Variants in ZNF571 observed in about 807,000 individuals in gnomAD.
ZNF571 encodes zinc finger protein 571.
In ZNF571, 4 loss-of-function variants were observed where a neutral mutation model predicts 7.7. That is an observed-to-expected ratio of 0.52 (90% CI 0.25 to 1.18). ZNF571 has a LOEUF of 1.18. ZNF571 is among the 50% of genes most tolerant of loss of function. The pLI is 0.14. For missense variants in ZNF571, 704 were observed against 726.9 expected, an observed-to-expected ratio of 0.97 and a Z score of 0.36; for synonymous variants, 251 against 232.4, an observed-to-expected ratio of 1.08 and a Z score of -0.73.
intron 3 of ZNF571, among the ~76,000 whole-genome samples, chr19:37,578,557 A>G (rs1300221864): frequency 3.3e-5 from 5 of 152,202 alleles, no homozygotes; most frequent in African/African-American, 1.2e-4. Flanking sequence ...GCCAGCTGCC[A>G]TAACCCCAGT....
At chr19:37,573,810 G>A (rs373616884) in intron 3 of ZNF571, among the ~76,000 whole-genome samples, 5 of 149,554 alleles carry the variant, frequency 3.3e-5, no homozygotes, top group East Asian at 3.9e-4. Context: ...TCCAGTCTGC[G>A]CAACAGAACG....
At position 37,565,254 on chromosome 19, in the gene ZNF571, T is replaced by C. The variant is rs1401936675; in HGVS notation, c.1174A>G (p.Lys392Glu). 2.5e-6 allele frequency: 4 copies of C among 1,612,286 alleles called. No homozygotes were observed. The highest frequency in any genetic ancestry group is 2.2e-5 in the South Asian group (2 of 90,726). Residue 392 changes from lysine to glutamate, a missense_variant, in exon 4 of 4, where the codon AAA becomes GAA. Coordinates refer to ENST00000451802, the MANE Select transcript of ZNF571 (RefSeq NM_016536.5). ...AAGGCTTTCCCACATTCTTTGCATT[T>C]ATAAGGTCTCTCACCTGAATGAACT... ...LRVHSGERPY[K>E]CKECGKAFIS... is the part of the protein sequence containing the mutation.
Position 37,594,727 on chromosome 19 carries a change from G to A in ZNF571, c.-70+14C>T, listed in dbSNP as rs2043968320. 1.3e-5 allele frequency: 2 copies of A among 152,240 alleles called. No individual in the cohort carries two copies. Among genetic ancestry groups the A allele is most frequent in the Admixed American group, 1.3e-4 (2 of 15,280 alleles). The allele number at this position is 152,240 out of a possible 1,614,324, so 9.4% of individuals were successfully genotyped here. Reference sequence around the variant, plus strand: ...AAAAGCTGCGAGCGGTTCCCGGTGAGGCCGCCCACTCACCTGGCCGGCGCA... The same window carrying A: ...AAAAGCTGCGAGCGGTTCCCGGTGAAGCCGCCCACTCACCTGGCCGGCGCA... On this transcript the variant is annotated intron_variant, in intron 1 of 3. Transcript: ENST00000451802.
At chr19:37,572,159 T>G (rs1239085597) in intron 3 of ZNF571, among the ~76,000 whole-genome samples, 1 of 152,160 alleles carries the variant, frequency 6.6e-6, no homozygotes, top group Admixed American at 6.5e-5. Context: ...ATCACTTAAC[T>G]CCAAAATTAT....
At chr19:37,590,087 T>C (rs1440543431) in intron 1 of ZNF571, among the ~76,000 whole-genome samples, 3 of 132,954 alleles carry the variant, frequency 2.3e-5, no homozygotes, top group African/African-American at 8.7e-5. Context: ...GATTTTGGAT[T>C]GGACGCCAGA....
At position 37,565,867 on chromosome 19, in the gene ZNF571, T is replaced by C; in HGVS notation, c.561A>G (p.Arg187=). The change falls in exon 4 of 4, where the codon AGA becomes AGG. Residue 187 remains arginine, a synonymous_variant. Transcript: ENST00000451802. ...CATAAGGTTTCTCACCAGTCTGAATTCTCTGATGTTGAATATAGCTTGGCT... is the reference window on the plus strand; with the variant it reads ...CATAAGGTTTCTCACCAGTCTGAATCCTCTGATGTTGAATATAGCTTGGCT... ...SKKPSYIQHQ[R]IQTGEKPYEC... 1.9e-6 allele frequency: 3 copies of C among 1,613,930 alleles called. No homozygotes were observed. Among genetic ancestry groups the C allele is most frequent in the Non-Finnish European group, 1.7e-6 (2 of 1,179,872 alleles).
intron 3 of ZNF571, among the ~76,000 whole-genome samples, chr19:37,580,492 A>G (rs181543296): frequency 5.9e-4 from 90 of 152,328 alleles, no homozygotes; most frequent in Non-Finnish European, 1.1e-3. Flanking sequence ...ATGGATATAC[A>G]ACATGAAATA....
At chr19:37,574,934 C>A (rs2043191872) in intron 3 of ZNF571, among the ~76,000 whole-genome samples, 1 of 152,206 alleles carries the variant, frequency 6.6e-6, no homozygotes, top group Non-Finnish European at 1.5e-5. Context: ...ACAGAAACTT[C>A]CTGAAGACGT....
At chr19:37,587,510 G>A (rs2043716728) in intron 1 of ZNF571, among the ~76,000 whole-genome samples, 1 of 151,958 alleles carries the variant, frequency 6.6e-6, no homozygotes, top group Non-Finnish European at 1.5e-5. Context: ...CGCACAGCAC[G>A]CCCCCTCTTG....
At chr19:37,574,671 T>C (rs2147174110) in intron 3 of ZNF571, among the ~76,000 whole-genome samples, 1 of 152,318 alleles carries the variant, frequency 6.6e-6, no homozygotes, top group East Asian at 1.9e-4. Context: ...AACCTAAACA[T>C]AGCACCAGTT....
chr19:37,570,136 G>A (rs943564216), intron 3 of ZNF571: 1 of 152,164 alleles, frequency 6.6e-6, no homozygotes, highest in African/African-American at 2.4e-5. Context: ...ACCACTAGAG[G>A]CCAATCCTTT....
intron 3 of ZNF571, among the ~76,000 whole-genome samples, chr19:37,581,894 A>G (rs992771954): frequency 5.9e-5 from 9 of 151,552 alleles, no homozygotes; most frequent in Admixed American, 6.5e-5. Context: ...CTCAAGAGGT[A>G]TGCATGCTTC....
chr19:37,577,772 C>T (rs1235893213), intron 3 of ZNF571, among the ~76,000 whole-genome samples: 1 of 152,184 alleles, frequency 6.6e-6, no homozygotes, highest in Non-Finnish European at 1.5e-5. Flanking sequence ...TAGGGGGGCA[C>T]TCAAGATGGC....
At chr19:37,593,846 G>A (rs1419870374) in intron 1 of ZNF571, among the ~76,000 whole-genome samples, 1 of 152,142 alleles carries the variant, frequency 6.6e-6, no homozygotes, top group East Asian at 1.9e-4. Flanking sequence ...GGTGCCTAAG[G>A]ACCAGTCACT....
intron 1 of ZNF571, among the ~76,000 whole-genome samples, chr19:37,591,189 C>T (rs1219553052): frequency 6.6e-6 from 1 of 152,212 alleles, no homozygotes; most frequent in Non-Finnish European, 1.5e-5. Context: ...TCACTGTACA[C>T]TGTATACCAC....
chr19:37,582,670 G>C (rs1242768154), intron 3 of ZNF571, among the ~76,000 whole-genome samples: 1 of 152,070 alleles, frequency 6.6e-6, no homozygotes, highest in Non-Finnish European at 1.5e-5. Flanking sequence ...CGTAACTCTT[G>C]ACTTCCTTCT....
intron 3 of ZNF571, among the ~76,000 whole-genome samples, chr19:37,579,494 G>A (rs940889505): frequency 6.6e-6 from 1 of 152,198 alleles, no homozygotes; most frequent in Admixed American, 6.5e-5. Flanking sequence ...AATGGGGAAA[G>A]GATTCCCTAT....
chr19:37,585,943 A>AC (rs1377736117), intron 2 of ZNF571: 1 of 152,186 alleles, frequency 6.6e-6, no homozygotes, highest in Non-Finnish European at 1.5e-5. Flanking sequence ...TGGAAGCCAC[A>AC]CCCCAGGGAT....
intron 1 of ZNF571, among the ~76,000 whole-genome samples, chr19:37,589,037 T>A (rs1402460398): frequency 1.3e-5 from 2 of 151,760 alleles, no homozygotes; most frequent in Non-Finnish European, 2.9e-5. Context: ...CCATCTCTAC[T>A]AAAAATACAA....
Sources: gnomAD v4.1 joint callset for allele counts (sites outside exome capture counted in the v4.1 genomes callset) on GRCh38, gnomAD v4.1.1 for gene constraint, MANE v1.5 for transcripts, NCBI Gene and HGNC (gene_info 2026-07-23, HGNC 2026-07-21) for gene names.